PLPPR1: variants seen among roughly 807,000 people sequenced by gnomAD.
The protein encoded by PLPPR1 is phospholipid phosphatase related 1.
PLPPR1 carries 10 observed loss-of-function variants against 33.1 expected under a neutral mutation model. The ratio of observed to expected loss-of-function variants is 0.30; its 90% confidence interval spans 0.19 to 0.51. The LOEUF (loss-of-function observed/expected upper bound fraction) is 0.51. PLPPR1 is among the 20% of genes least tolerant of loss of function. The probability of loss-of-function intolerance (pLI) is 0.97; values close to 1 mark genes in which losing one functional copy is unlikely to be tolerated. For synonymous variants in PLPPR1, 151 were observed against 151.0 expected (o/e 1.00, Z 0.00); for missense variants, 304 against 408.1 (o/e 0.74, Z 2.20).
At chr9:101,297,143 CT>C (rs1437592067) in intron 4 of PLPPR1, among the ~76,000 whole-genome samples, 1 of 152,054 alleles carries the variant, frequency 6.6e-6, no homozygotes, top group Non-Finnish European at 1.5e-5. Context: ...TAATTTTTGG[CT>C]TTCTAATGTT....
chr9:101,142,387 G>A (rs57097151), intron 1 of PLPPR1, among the ~76,000 whole-genome samples: 24,029 of 152,172 alleles, frequency 0.16, 2,121 homozygotes, highest in Non-Finnish European at 0.2. Context: ...TAGTAGCCAG[G>A]ACAGCTAGGC....
Position 101,091,927 on chromosome 9 carries a change from T to C in PLPPR1, c.-46+62825T>C, listed in dbSNP as rs540433491. Among the ~76,000 whole-genome samples the C allele has an allele frequency of 3.9e-5, 6 of 152,344 alleles. No individual in the cohort carries two copies. In the South Asian group the frequency reaches 1.2e-3, roughly 32 times the overall value. ...CCTAACTGGCCTCCCAGCTTTTGGC[T>C]TTCTCCTTGCCAAGGCATTCGAAAC... On this transcript the variant is annotated intron_variant, in intron 1 of 7. Transcript: ENST00000374874.
intron 1 of PLPPR1, among the ~76,000 whole-genome samples, chr9:101,138,488 A>G (rs73495979): frequency 0.013 from 1,966 of 152,318 alleles, 43 homozygotes; most frequent in African/African-American, 0.045. Flanking sequence ...CTTTACAAAT[A>G]TTATTTATTT....
intron 1 of PLPPR1, 22 bp from the exon 2 acceptor site, chr9:101,185,428 A>G: frequency 3.2e-6 from 3 of 945,432 alleles, no homozygotes; most frequent in Middle Eastern, 2.1e-4. Flanking sequence ...TTCTTATACT[A>G]TGCAACCTAT....
At chr9:101,303,165 G>T (rs978406847) in intron 4 of PLPPR1, among the ~76,000 whole-genome samples, 1 of 150,196 alleles carries the variant, frequency 6.7e-6, no homozygotes, top group African/African-American at 2.5e-5. Context: ...TGTATTTTTA[G>T]TAAGGACAGG....
intron 1 of PLPPR1, among the ~76,000 whole-genome samples, chr9:101,074,486 T>A (rs1472826423): frequency 6.6e-6 from 1 of 152,184 alleles, no homozygotes; most frequent in East Asian, 1.9e-4. Context: ...CCACAAATAT[T>A]CTTCCCTTTG....
chr9:101,094,725 C>T (rs1830792606), intron 1 of PLPPR1, among the ~76,000 whole-genome samples: 1 of 152,148 alleles, frequency 6.6e-6, no homozygotes, highest in Non-Finnish European at 1.5e-5. Flanking sequence ...AGAATGAATG[C>T]ATACAGCCAG....
intron 2 of PLPPR1, among the ~76,000 whole-genome samples, chr9:101,246,055 A>AATATATAT (rs58070017): frequency 1.1e-4 from 9 of 85,660 alleles, no homozygotes; most frequent in Non-Finnish European, 2.0e-4. Context: ...ATTGAATATG[A>AATATATAT]ATATATATAT....
intron 1 of PLPPR1, among the ~76,000 whole-genome samples, chr9:101,149,808 G>T (rs957008516): frequency 2.6e-5 from 4 of 152,028 alleles, no homozygotes; most frequent in African/African-American, 9.7e-5. Context: ...GGAAAGATAT[G>T]TCTTTTTTAT....
In PLPPR1 at chr9:101,325,063, T is replaced by C. The variant is rs988168595; in HGVS notation, c.*1006T>C. ...TCAGAATGTTTTCTTGACACTTCCA[T>C]GTTGGCTCTTCTCAGCTTTTTTTGT... is the stretch of plus-strand genomic sequence containing the variant. On this transcript the variant is annotated 3_prime_UTR_variant, in exon 8 of 8. Transcript: ENST00000374874. The C allele has an allele frequency of 1.3e-5, 2 of 152,270 alleles. No homozygotes were observed. The highest frequency in any genetic ancestry group is 6.5e-5 in the Admixed American group (1 of 15,284). 9.4% of individuals were successfully genotyped at this position (152,270 alleles called of 1,614,324 possible). A position where few individuals can be genotyped will look rare whatever the true frequency, so the allele number is the denominator to read the frequency against.
intron 6 of PLPPR1, among the ~76,000 whole-genome samples, chr9:101,314,238 T>C (rs527338767): frequency 6.6e-6 from 1 of 152,354 alleles, no homozygotes; most frequent in African/African-American, 2.4e-5. Flanking sequence ...TCCATTTGGA[T>C]TGGCATCACA....
chr9:101,054,983 C>T (rs1830264302), intron 1 of PLPPR1, among the ~76,000 whole-genome samples: 1 of 152,152 alleles, frequency 6.6e-6, no homozygotes, highest in Admixed American at 6.5e-5. Flanking sequence ...TCTTGGTTAA[C>T]AACGTGGTCA....
At chr9:101,131,350 A>C (rs1415258249) in intron 1 of PLPPR1, among the ~76,000 whole-genome samples, 1 of 152,200 alleles carries the variant, frequency 6.6e-6, no homozygotes, top group Admixed American at 6.5e-5. Context: ...TAGCTAAAGC[A>C]GTATTTTTGT....
At chr9:101,072,144 A>G (rs1461709326) in intron 1 of PLPPR1, among the ~76,000 whole-genome samples, 1 of 152,142 alleles carries the variant, frequency 6.6e-6, no homozygotes, top group Non-Finnish European at 1.5e-5. Context: ...AGATATCCCT[A>G]CAGTCTAGCG....
At chr9:101,092,432 G>C (rs1200259832) in intron 1 of PLPPR1, among the ~76,000 whole-genome samples, 12 of 152,094 alleles carry the variant, frequency 7.9e-5, no homozygotes. Flanking sequence ...ACTGGTATTT[G>C]ACATAGTAAT....
At chr9:101,290,605 TA>T (rs1828478105) in intron 4 of PLPPR1, among the ~76,000 whole-genome samples, 1 of 152,310 alleles carries the variant, frequency 6.6e-6, no homozygotes, top group African/African-American at 2.4e-5. Flanking sequence ...TAATCCATTC[TA>T]ATGAAACAAT....
At chr9:101,310,971 T>A (rs2118956806) in intron 5 of PLPPR1, among the ~76,000 whole-genome samples, 1 of 152,326 alleles carries the variant, frequency 6.6e-6, no homozygotes, top group South Asian at 2.1e-4. Context: ...AAAACCTCTA[T>A]GCAGGTATTT....
chr9:101,182,598 T>A (rs1826135002), intron 1 of PLPPR1, among the ~76,000 whole-genome samples: 1 of 151,784 alleles, frequency 6.6e-6, no homozygotes, highest in Admixed American at 6.6e-5. Context: ...GGTTGTTGCA[T>A]AATACTGTGA....
chr9:101,108,180 A>T (rs7019003), intron 1 of PLPPR1, among the ~76,000 whole-genome samples: 57,315 of 151,330 alleles, frequency 0.38, 11,580 homozygotes, highest in Non-Finnish European at 0.43. Flanking sequence ...TCCCCTCAGG[A>T]ACAACTTTTA....
Sources: gnomAD v4.1 joint callset for allele counts (sites outside exome capture counted in the v4.1 genomes callset) on GRCh38, gnomAD v4.1.1 for gene constraint, MANE v1.5 for transcripts, NCBI Gene and HGNC (gene_info 2026-07-23, HGNC 2026-07-21) for gene names.